Variants in AGAP1 observed in about 807,000 individuals in gnomAD.
AGAP1 encodes the protein arf-GAP with GTPase, ANK repeat and PH domain-containing protein 1.
In AGAP1, 29 loss-of-function variants were observed where a neutral mutation model predicts 105.3. The observed-to-expected ratio is 0.28, with a 90% CI of 0.21 to 0.38. AGAP1 has a LOEUF of 0.38. AGAP1 is among the 10% of genes least tolerant of loss of function. The pLI, the probability that AGAP1 is intolerant of heterozygous loss-of-function variation, is 1.00. For missense variants in AGAP1, 998 were observed against 1,165.1 expected (o/e 0.86, Z 2.09); for synonymous variants, 509 against 485.9 (o/e 1.05, Z -0.63).
In AGAP1 at chr2:235,915,817, T is replaced by C. The variant is rs2051851335; in HGVS notation, c.1324+6911T>C. 2.0e-5 allele frequency among the ~76,000 whole-genome samples: 3 copies of C among 152,194 alleles called. No individual in the cohort carries two copies. The South Asian group carries it at 6.2e-4, about 31-fold the overall frequency. ...GTCAAAGATGTAACAGAAGAATATA[T>C]GCTAGAAGCAAGTAAGGATATCTGA... On this transcript the variant is annotated intron_variant, in intron 11 of 17. Transcript: ENST00000304032.
intron 1 of AGAP1, among the ~76,000 whole-genome samples, chr2:235,604,614 G>A (rs1165807962): frequency 4.9e-5 from 5 of 102,114 alleles, no homozygotes; most frequent in Non-Finnish European, 8.9e-5. Context: ...ATGGAGTCTC[G>A]CTCTGTTGCC....
chr2:235,993,684 G>A lies in AGAP1; in HGVS notation c.1645+25061G>A, dbSNP rs748241507. Among the ~76,000 whole-genome samples the A allele has an allele frequency of 6.6e-6, 1 of 152,120 alleles. No individual in the cohort carries two copies. The highest frequency in any genetic ancestry group is 1.5e-5 in the Non-Finnish European group (1 of 68,030). On this transcript the variant is annotated intron_variant, in intron 13 of 17. Coordinates refer to ENST00000304032, the MANE Select transcript of AGAP1 (RefSeq NM_001037131.3). The surrounding 1 kb of genome is among the most constrained non-coding windows in gnomAD (Gnocchi z 5.0). ...TTTTGCTGCCCAATACCAAATTAAG[G>A]GCTCTGAGGAACGCTTCCTTTGAAA...
chr2:235,629,825 C>G (rs966280941), intron 1 of AGAP1, among the ~76,000 whole-genome samples: 1 of 142,780 alleles, frequency 7.0e-6, no homozygotes, highest in Admixed American at 7.2e-5. Context: ...GATCATACTA[C>G]TGCACTCCAG....
At chr2:235,671,615 G>A (rs1948435147) in intron 1 of AGAP1, among the ~76,000 whole-genome samples, 1 of 152,356 alleles carries the variant, frequency 6.6e-6, no homozygotes. Flanking sequence ...ACAGTGGTGG[G>A]GCCTGGGGTG....
Position 235,625,473 on chromosome 2 carries a change from G to A in AGAP1, c.164-83706G>A, listed in dbSNP as rs1047266232. On this transcript the variant is annotated intron_variant, in intron 1 of 17. Coordinates refer to ENST00000304032, the MANE Select transcript of AGAP1 (RefSeq NM_001037131.3). This position sits in a 1 kb window ranked among gnomAD's most constrained non-coding sequence, Gnocchi z 4.0. ...TGCCTTTCCTTTGGAGGGATGGTGG[G>A]TTTCAATGGTTTGAAAGAGAAAACC... 2.6e-5 allele frequency among the ~76,000 whole-genome samples: 4 copies of A among 152,172 alleles called. No individual in the cohort carries two copies. Among genetic ancestry groups the A allele is most frequent in the Non-Finnish European group, 5.9e-5 (4 of 68,036 alleles).
At position 235,599,684 on chromosome 2, in the gene AGAP1, C is replaced by T. The variant is rs1225184723; in HGVS notation, c.163+104835C>T. Among the ~76,000 whole-genome samples, 1 of 152,162 alleles carries T rather than the reference C, an allele frequency of 6.6e-6. No homozygotes were observed. Among genetic ancestry groups the T allele is most frequent in the Non-Finnish European group, 1.5e-5 (1 of 68,022 alleles). On this transcript the variant is annotated intron_variant, in intron 1 of 17. Coordinates refer to ENST00000304032, the MANE Select transcript of AGAP1 (RefSeq NM_001037131.3). This position sits in a 1 kb window ranked among gnomAD's most constrained non-coding sequence, Gnocchi z 5.3. ...TCCTTCAGAGGAATCCTGCAGTCCA[C>T]TTGCCCAGCGTCACTTCCTCCAGTG...
rs1056566869 is a variant in AGAP1 at position 235,867,051 on chromosome 2, A to G, written c.1051-16294A>G. ...CGTCGGGGGGTGCTTGCTTATGCGG[A>G]GCCTGTGACCCTGCAGCTCAGCATG... On this transcript the variant is annotated intron_variant, in intron 9 of 17. Transcript: ENST00000304032. The surrounding 1 kb of genome is among the most constrained non-coding windows in gnomAD (Gnocchi z 5.4). Among the ~76,000 whole-genome samples, 5 of 152,148 alleles carry G rather than the reference A, an allele frequency of 3.3e-5. No individual in the cohort carries two copies. The highest frequency in any genetic ancestry group is 7.3e-5 in the Non-Finnish European group (5 of 68,028).
chr2:236,018,033 A>T (rs1429022521), intron 13 of AGAP1, among the ~76,000 whole-genome samples: 1 of 152,248 alleles, frequency 6.6e-6, no homozygotes, highest in Non-Finnish European at 1.5e-5. Flanking sequence ...AAGATTAAAA[A>T]ACAAAAATAT....
chr2:235,891,659 G>C lies in AGAP1; in HGVS notation c.1155+8210G>C, dbSNP rs753734315. Reference sequence around the variant, plus strand: ...CTGCTGACAAAGATGTGTGCAGTGAGATTCCTAAGTGGACCTGGAAGGATG... The same window carrying C: ...CTGCTGACAAAGATGTGTGCAGTGACATTCCTAAGTGGACCTGGAAGGATG... On this transcript the variant is annotated intron_variant, in intron 10 of 17. Transcript: ENST00000304032. This position sits in a 1 kb window ranked among gnomAD's most constrained non-coding sequence, Gnocchi z 4.2. 2.0e-5 allele frequency among the ~76,000 whole-genome samples: 3 copies of C among 152,194 alleles called. No homozygotes were observed. The highest frequency in any genetic ancestry group is 4.4e-5 in the Non-Finnish European group (3 of 68,028).
chr2:235,552,013 A>C lies in AGAP1; in HGVS notation c.163+57164A>C, dbSNP rs562598074. On this transcript the variant is annotated intron_variant, in intron 1 of 17. Transcript: ENST00000304032. The surrounding 1 kb of genome is among the most constrained non-coding windows in gnomAD (Gnocchi z 5.9). ...GAACTCTAGTTGGAGTTGTAGAGCTAATGTTTTTTTCTCTGGTCCCTGCCA... is the reference window on the plus strand; with the variant it reads ...GAACTCTAGTTGGAGTTGTAGAGCTCATGTTTTTTTCTCTGGTCCCTGCCA... 1.3e-5 allele frequency among the ~76,000 whole-genome samples: 2 copies of C among 152,198 alleles called. No individual in the cohort carries two copies. Among genetic ancestry groups the C allele is most frequent in the Non-Finnish European group, 2.9e-5 (2 of 68,036 alleles).
chr2:235,993,757 C>T lies in AGAP1; in HGVS notation c.1645+25134C>T, dbSNP rs772226286. 6.6e-6 allele frequency among the ~76,000 whole-genome samples: 1 copy of T among 152,182 alleles called. No individual in the cohort carries two copies. Among genetic ancestry groups the T allele is most frequent in the African/African-American group, 2.4e-5 (1 of 41,444 alleles). ...CTTTCTTACCAAACCAGCTATGCCA[C>T]GCCCTTCTGCTTTGGCTGTGTAGAT... On this transcript the variant is annotated intron_variant, in intron 13 of 17. Transcript: ENST00000304032. This position sits in a 1 kb window ranked among gnomAD's most constrained non-coding sequence, Gnocchi z 5.0.
Position 235,670,763 on chromosome 2 carries a change from G to A in AGAP1, c.164-38416G>A, listed in dbSNP as rs1227658639. 5 of 1,093,408 alleles carry A rather than the reference G, an allele frequency of 4.6e-6. No individual in the cohort carries two copies. The African/African-American group carries it at 8.2e-5, about 18-fold the overall frequency. 67.7% of individuals were successfully genotyped at this position (1,093,408 alleles called of 1,614,324 possible). ...GGGCGAGGTGCTCAGCAAGAACGAC[G>A]CGCTCTCGGACCTGGAGCGTTGGGA... On this transcript the variant is annotated intron_variant, in intron 1 of 17. Coordinates refer to ENST00000304032, the MANE Select transcript of AGAP1 (RefSeq NM_001037131.3).
chr2:235,871,864 C>A (rs1428304063), intron 9 of AGAP1, among the ~76,000 whole-genome samples: 1 of 152,164 alleles, frequency 6.6e-6, no homozygotes, highest in African/African-American at 2.4e-5. Flanking sequence ...GAGTCTCGGG[C>A]AGCCCAGGGT....
intron 9 of AGAP1, among the ~76,000 whole-genome samples, chr2:235,821,152 CAAATTTTCAACAAGCAAGAAGTT>C (rs1434542897): frequency 6.6e-6 from 1 of 152,112 alleles, no homozygotes; most frequent in African/African-American, 2.4e-5. Flanking sequence ...CTGGGAGCTA[CAAATTTTCAACAAGCAAGAAGTT>C]AAATTAGTAA....
rs1156604106 is a variant in AGAP1 at position 235,842,132 on chromosome 2, G to A, written c.1050+34801G>A. 6.6e-6 allele frequency among the ~76,000 whole-genome samples: 1 copy of A among 152,200 alleles called. No homozygotes were observed. The highest frequency in any genetic ancestry group is 1.5e-5 in the Non-Finnish European group (1 of 68,034). On this transcript the variant is annotated intron_variant, in intron 9 of 17. Coordinates refer to ENST00000304032, the MANE Select transcript of AGAP1 (RefSeq NM_001037131.3). This position sits in a 1 kb window ranked among gnomAD's most constrained non-coding sequence, Gnocchi z 5.3. ...CTGCCCCTCTCCCCAGCCTGCTGGC[G>A]TTGGGCTTCCTCCGCTCCTGGTTTC...
chr2:236,111,072 C>G (rs6730168), intron 16 of AGAP1, among the ~76,000 whole-genome samples: 5 of 152,202 alleles, frequency 3.3e-5, no homozygotes, highest in Non-Finnish European at 7.3e-5. Flanking sequence ...TAGTCACCTC[C>G]CAAAGGCTCT....
chr2:235,897,720 G>A (rs10165640), intron 10 of AGAP1, among the ~76,000 whole-genome samples: 52,223 of 152,084 alleles, frequency 0.34, 9,434 homozygotes, highest in Admixed American at 0.47. Flanking sequence ...AGTCACAGCC[G>A]AGGACTCAGT....
intron 1 of AGAP1, among the ~76,000 whole-genome samples, chr2:235,571,732 C>T (rs1465762956): frequency 1.3e-5 from 2 of 151,916 alleles, no homozygotes; most frequent in African/African-American, 2.4e-5. Flanking sequence ...AGTATATAGT[C>T]AGTGCTCAAT....
At chr2:235,545,906 C>G (rs950475293) in intron 1 of AGAP1, among the ~76,000 whole-genome samples, 1 of 152,238 alleles carries the variant, frequency 6.6e-6, no homozygotes, top group African/African-American at 2.4e-5. Flanking sequence ...GGGTGACTGA[C>G]TTCTGAGCAT....
Sources: gnomAD v4.1 joint callset for allele counts (sites outside exome capture counted in the v4.1 genomes callset) on GRCh38, gnomAD v4.1.1 for gene constraint, Gnocchi (gnomAD v3.1) non-coding constraint, MANE v1.5 for transcripts, NCBI Gene and HGNC (gene_info 2026-07-23, HGNC 2026-07-21) for gene names.